RAD50: variants seen among roughly 807,000 people sequenced by gnomAD.
RAD50 encodes RAD50 double strand break repair protein, also known as DNA repair protein RAD50.
RAD50 carries 132 observed loss-of-function variants against 168.8 expected under a neutral mutation model. That is an observed-to-expected ratio of 0.78 (90% CI 0.68 to 0.90). The LOEUF (loss-of-function observed/expected upper bound fraction) is 0.90, where lower values mean the gene tolerates loss of function less well. Among genes scored for constraint, RAD50 ranks in the 40% least tolerant of loss-of-function variants. The pLI is 0.00. For synonymous variants in RAD50, 525 were observed against 497.4 expected, an observed-to-expected ratio of 1.06 and a Z score of -0.74; for missense variants, 1,347 against 1,534.4, an observed-to-expected ratio of 0.88 and a Z score of 2.04.
chr5:132,593,002 C>G (rs998313029), intron 11 of RAD50: 8 of 398,516 alleles, frequency 2.0e-5, no homozygotes, highest in Non-Finnish European at 3.2e-5. Context: ...TGCTGTTAAT[C>G]ATTGATCTTC....
At chr5:132,589,200 G>A (rs1444556753) in intron 8 of RAD50, among the ~76,000 whole-genome samples, 1 of 152,102 alleles carries the variant, frequency 6.6e-6, no homozygotes, top group African/African-American at 2.4e-5. Flanking sequence ...ATACAGTCTT[G>A]AACCACATGT....
intron 11 of RAD50, among the ~76,000 whole-genome samples, chr5:132,594,348 A>G (rs973857723): frequency 6.6e-6 from 1 of 152,206 alleles, no homozygotes; most frequent in Non-Finnish European, 1.5e-5. Flanking sequence ...GGCTAGGATG[A>G]TGTTTAAGAA....
intron 16 of RAD50, among the ~76,000 whole-genome samples, chr5:132,605,309 C>T (rs553993997): frequency 6.6e-6 from 1 of 151,940 alleles, no homozygotes; most frequent in Non-Finnish European, 1.5e-5. Context: ...TCCCAAAGTG[C>T]TGGGATTACA....
chr5:132,606,557 C>T (rs1336015606), intron 16 of RAD50, among the ~76,000 whole-genome samples: 1 of 152,170 alleles, frequency 6.6e-6, no homozygotes, highest in Non-Finnish European at 1.5e-5. Flanking sequence ...GGAGCTGGTA[C>T]CATTCCTTCT....
intron 21 of RAD50, among the ~76,000 whole-genome samples, chr5:132,633,450 G>A (rs754141389): frequency 6.6e-4 from 100 of 152,004 alleles, no homozygotes; most frequent in Non-Finnish European, 1.2e-3. Context: ...TAATTTTTAG[G>A]TAGTCAAATC....
At chr5:132,567,312 T>C (rs1396351903) in intron 2 of RAD50, among the ~76,000 whole-genome samples, 1 of 152,202 alleles carries the variant, frequency 6.6e-6, no homozygotes, top group African/African-American at 2.4e-5. Flanking sequence ...TTTCAGGCAT[T>C]GGACCACAGA....
intron 19 of RAD50, among the ~76,000 whole-genome samples, chr5:132,609,900 AGT>A (rs1751055186): frequency 6.7e-6 from 1 of 150,090 alleles, no homozygotes; most frequent in South Asian, 2.1e-4. Flanking sequence ...AAGGCATAAA[AGT>A]GTTCCTCCCC....
intron 24 of RAD50, among the ~76,000 whole-genome samples, 179 bp from the exon 25 acceptor site, chr5:132,641,999 A>G (rs1751732192): frequency 6.6e-6 from 1 of 152,170 alleles, no homozygotes; most frequent in Non-Finnish European, 1.5e-5. Context: ...TGGAGAGGAG[A>G]AGAGACTCCT....
Position 132,645,877 on chromosome 5 carries a change from G to C in RAD50, c.*3513G>C, listed in dbSNP as rs1751838695. The C allele has an allele frequency of 6.6e-6, 1 of 152,080 alleles. No homozygotes were observed. The highest frequency in any genetic ancestry group is 6.5e-5 in the Admixed American group (1 of 15,268). The allele number at this position is 152,080 out of a possible 1,614,324, so 9.4% of individuals were successfully genotyped here. A position where few individuals can be genotyped will look rare whatever the true frequency, so the allele number is the denominator to read the frequency against. ...TGTACCGACACAGCTGCTTTCCACAGTTTAAAAAGAAAGTCTGAGCAACAT... is the reference window on the plus strand; with the variant it reads ...TGTACCGACACAGCTGCTTTCCACACTTTAAAAAGAAAGTCTGAGCAACAT... On this transcript the variant is annotated 3_prime_UTR_variant, in exon 25 of 25. Coordinates refer to ENST00000378823, the MANE Select transcript of RAD50 (RefSeq NM_005732.4).
intron 24 of RAD50, among the ~76,000 whole-genome samples, chr5:132,641,461 G>C (rs1751719191): frequency 2.0e-5 from 3 of 151,230 alleles, no homozygotes; most frequent in South Asian, 4.1e-4. Context: ...GAGAGGGCCA[G>C]AAGGAGAGCT....
chr5:132,603,351 A>G lies in RAD50; in HGVS notation c.2259A>G (p.Lys753=), dbSNP rs1352969794. The G allele has an allele frequency of 4.3e-6, 7 of 1,613,798 alleles. No homozygotes were observed. Among genetic ancestry groups the G allele is most frequent in the Non-Finnish European group, 5.9e-6 (7 of 1,179,794 alleles). The change falls in exon 14 of 25, where the codon AAA becomes AAG. Residue 753 remains lysine (K), a synonymous_variant. Coordinates refer to ENST00000378823, the MANE Select transcript of RAD50 (RefSeq NM_005732.4). ...KEKEIPELRN[K]LQNVNRDIQR... ...AGGAAATACCAGAATTAAGAAACAA[A>G]CTGCAGAATGTCAATAGAGACATAC...
intron 11 of RAD50, chr5:132,592,655 TC>T: frequency 3.6e-6 from 1 of 277,360 alleles, no homozygotes. Context: ...GCCTTGAGCA[TC>T]CCCAACAACT....
chr5:132,598,160 G>A (rs536457500), intron 13 of RAD50, among the ~76,000 whole-genome samples: 8 of 151,588 alleles, frequency 5.3e-5, no homozygotes, highest in African/African-American at 1.9e-4. Flanking sequence ...CAATTCCCCT[G>A]CCTCAGCCTC....
rs1258248378 is a variant in RAD50, at chr5:132,643,709, GGGGGTGGTGGT to G, written c.*1353_*1363del. ...TAAGGACCTTAAGACAGAGTATCCTGGGGGTGGTGGTGGGGTGGGGGGGGGTCCTAAATGTA... is the reference window on the plus strand; with the variant it reads ...TAAGGACCTTAAGACAGAGTATCCTGGGGGTGGGGGGGGGTCCTAAATGTA... On this transcript the variant is annotated 3_prime_UTR_variant, in exon 25 of 25. Coordinates refer to ENST00000378823, the MANE Select transcript of RAD50 (RefSeq NM_005732.4). 2 of 223,338 alleles carry G rather than the reference GGGGGTGGTGGT, an allele frequency of 9.0e-6. No homozygotes were observed. Among genetic ancestry groups the G allele is most frequent in the African/African-American group, 4.5e-5 (2 of 44,784 alleles). The allele number at this position is 223,338 out of a possible 1,614,324, so 13.8% of individuals were successfully genotyped here.
At chr5:132,595,256 A>C (rs1750769406) in intron 12 of RAD50, 1 of 608,156 alleles carries the variant, frequency 1.6e-6, no homozygotes, top group African/African-American at 1.9e-5. Context: ...GGACACAACT[A>C]CCACCTGTGG....
At chr5:132,626,521 G>A (rs570593180) in intron 21 of RAD50, among the ~76,000 whole-genome samples, 19 of 152,120 alleles carry the variant, frequency 1.2e-4, no homozygotes, top group Non-Finnish European at 2.4e-4. Flanking sequence ...AAAGCTCAGA[G>A]GCGATTTAGT....
At chr5:132,598,141 C>T (rs1226906113) in intron 13 of RAD50, among the ~76,000 whole-genome samples, 7 of 151,922 alleles carry the variant, frequency 4.6e-5, no homozygotes, top group South Asian at 4.2e-4. Flanking sequence ...TCCACCTCCC[C>T]GGTTCAAGCA....
At chr5:132,571,640 A>G (rs1303508470) in intron 2 of RAD50, among the ~76,000 whole-genome samples, 2 of 151,990 alleles carry the variant, frequency 1.3e-5, no homozygotes, top group African/African-American at 4.8e-5. Context: ...ATTGCTTATG[A>G]CTCAGAGGTC....
At chr5:132,565,159 G>A (rs1750185128) in intron 2 of RAD50, among the ~76,000 whole-genome samples, 1 of 152,142 alleles carries the variant, frequency 6.6e-6, no homozygotes, top group African/African-American at 2.4e-5. Flanking sequence ...AGCCATGTAA[G>A]ATGTGCCAGC....
Sources: allele counts gnomAD v4.1 joint callset (sites outside exome capture counted in the v4.1 genomes callset), GRCh38; gene constraint gnomAD v4.1.1; transcripts MANE v1.5; gene names NCBI Gene and HGNC (gene_info 2026-07-23, HGNC 2026-07-21).